Variants in CLOCK observed in about 807,000 individuals in gnomAD.
CLOCK encodes circadian locomoter output cycles protein kaput.
In CLOCK, 43 loss-of-function variants were observed where a neutral mutation model predicts 118.4. The ratio of observed to expected loss-of-function variants is 0.36; its 90% confidence interval spans 0.28 to 0.47. The LOEUF is 0.47. CLOCK is among the 20% of genes least tolerant of loss of function. The probability of loss-of-function intolerance (pLI) is 1.00; values close to 1 mark genes in which losing one functional copy is unlikely to be tolerated. For missense variants in CLOCK, 846 were observed against 999.9 expected (o/e 0.85, Z 2.08); for synonymous variants, 326 against 339.2 (o/e 0.96, Z 0.43).
chr4:55,508,469 C>T (rs1728945012), intron 2 of CLOCK, among the ~76,000 whole-genome samples: 1 of 152,108 alleles, frequency 6.6e-6, no homozygotes, highest in Non-Finnish European at 1.5e-5. Flanking sequence ...GGCATGGACT[C>T]CTATCTCTCT....
chr4:55,457,648 C>T (rs947557198), intron 11 of CLOCK, among the ~76,000 whole-genome samples: 2 of 152,158 alleles, frequency 1.3e-5, no homozygotes, highest in Admixed American at 6.5e-5. Flanking sequence ...GCCTTACCTC[C>T]CACTATCTCT....
At chr4:55,505,851 CAACT>C (rs1275154185) in intron 2 of CLOCK, among the ~76,000 whole-genome samples, 6 of 150,722 alleles carry the variant, frequency 4.0e-5, no homozygotes, top group Non-Finnish European at 7.4e-5. Flanking sequence ...TCCTGTTGAC[CAACT>C]GTCAACATTT....
intron 1 of CLOCK, among the ~76,000 whole-genome samples, chr4:55,513,500 A>G (rs953475089): frequency 8.5e-5 from 13 of 152,120 alleles, no homozygotes; most frequent in African/African-American, 9.7e-5. Context: ...CCACTGATCT[A>G]TTAAAATATT....
At chr4:55,442,200 T>C in intron 21 of CLOCK, 1 of 527,060 alleles carries the variant, frequency 1.9e-6, no homozygotes, top group East Asian at 3.4e-5. Flanking sequence ...TTGTATTCTA[T>C]AATATTTTGT....
Position 55,453,119 on chromosome 4 carries a change from C to G in CLOCK, c.1141G>C (p.Val381Leu), listed in dbSNP as rs1047615569. Residue 381 changes from valine (V) to leucine (L), a missense_variant, in exon 15 of 23, where the codon GTT becomes CTT. Transcript: ENST00000513440. ...AGTTCTCGTCGTCTTTCAGCCCTAA[C>G]TTCTGCATAACTACAAATGGAAAAA... ...CTHTVVSYAE[V>L]RAERRRELGI... 5.0e-6 allele frequency: 8 copies of G among 1,612,820 alleles called. No individual in the cohort carries two copies. The highest frequency in any genetic ancestry group is 5.9e-6 in the Non-Finnish European group (7 of 1,179,052).
At chr4:55,514,227 A>C (rs918524678) in intron 1 of CLOCK, among the ~76,000 whole-genome samples, 2 of 152,146 alleles carry the variant, frequency 1.3e-5, no homozygotes, top group African/African-American at 4.8e-5. Flanking sequence ...TCACCATTAC[A>C]TAAAACGTTA....
At chr4:55,497,296 A>G (rs934756142) in intron 2 of CLOCK, among the ~76,000 whole-genome samples, 1 of 152,116 alleles carries the variant, frequency 6.6e-6, no homozygotes, top group African/African-American at 2.4e-5. Context: ...TCGGGCTGCC[A>G]TTTCTTCTGC....
chr4:55,459,289 C>T (rs773620976), intron 9 of CLOCK, 28 bp from the exon 10 acceptor site: 11 of 1,312,742 alleles, frequency 8.4e-6, no homozygotes, highest in Admixed American at 6.8e-5. Context: ...TTAAAAATCA[C>T]ATATTTCTGA....
At chr4:55,444,872 A>C (rs1053927763) in intron 18 of CLOCK, 87 bp from the exon 19 acceptor site, 1 of 1,342,936 alleles carries the variant, frequency 7.4e-7, no homozygotes, top group African/African-American at 1.4e-5. Flanking sequence ...AAGCAGTATA[A>C]CATGAGTGAA....
At chr4:55,520,594 C>G (rs1009239545) in intron 1 of CLOCK, among the ~76,000 whole-genome samples, 4 of 152,146 alleles carry the variant, frequency 2.6e-5, no homozygotes, top group Non-Finnish European at 4.4e-5. Context: ...ATAAATAAAT[C>G]CACAGTAGAC....
intron 2 of CLOCK, among the ~76,000 whole-genome samples, chr4:55,496,240 C>T (rs1728074374): frequency 6.6e-6 from 1 of 150,660 alleles, no homozygotes; most frequent in Non-Finnish European, 1.5e-5. Flanking sequence ...GACAATATAG[C>T]TCTAACTTAT....
At chr4:55,522,170 T>C (rs557217249) in intron 1 of CLOCK, among the ~76,000 whole-genome samples, 1 of 152,284 alleles carries the variant, frequency 6.6e-6, no homozygotes, top group East Asian at 1.9e-4. Flanking sequence ...TATCAATTTT[T>C]AGAAGAAAAC....
intron 9 of CLOCK, among the ~76,000 whole-genome samples, chr4:55,461,449 A>G (rs1402595295): frequency 6.6e-6 from 1 of 152,132 alleles, no homozygotes; most frequent in Non-Finnish European, 1.5e-5. Context: ...ATGAGGCAAA[A>G]CAGCTGTTAC....
chr4:55,527,392 T>TG (rs1730276242), intron 1 of CLOCK, among the ~76,000 whole-genome samples: 1 of 152,152 alleles, frequency 6.6e-6, no homozygotes, highest in South Asian at 2.1e-4. Context: ...AAAGCATGTT[T>TG]GGGGCACATT....
intron 1 of CLOCK, among the ~76,000 whole-genome samples, chr4:55,515,271 CTTAG>C (rs1729432179): frequency 6.6e-6 from 1 of 151,990 alleles, no homozygotes; most frequent in Admixed American, 6.6e-5. Context: ...ATCCTTTTTC[CTTAG>C]TTAGCCTAGC....
intron 1 of CLOCK, among the ~76,000 whole-genome samples, chr4:55,544,676 G>C (rs1731492873): frequency 6.6e-6 from 1 of 152,104 alleles, no homozygotes; most frequent in South Asian, 2.1e-4. Flanking sequence ...CAAATTATTT[G>C]GGGGAGGAGG....
chr4:55,499,841 G>A (rs866348924), intron 2 of CLOCK, among the ~76,000 whole-genome samples: 5 of 152,278 alleles, frequency 3.3e-5, no homozygotes, highest in Middle Eastern at 3.4e-3. Flanking sequence ...GATGCAGTAG[G>A]TAGGACCTTT....
chr4:55,470,659 T>C, intron 8 of CLOCK, 58 bp downstream of exon 8: 4 of 1,227,848 alleles, frequency 3.3e-6, no homozygotes, highest in African/African-American at 3.0e-5. Flanking sequence ...CCCAGTGCTT[T>C]AGAATATTTA....
chr4:55,461,382 T>C (rs901969660), intron 9 of CLOCK, among the ~76,000 whole-genome samples: 4 of 152,188 alleles, frequency 2.6e-5, no homozygotes, highest in African/African-American at 9.7e-5. Context: ...TGCTGCTCTT[T>C]CTAGGCCAGA....
Sources: gnomAD v4.1 joint callset for allele counts (sites outside exome capture counted in the v4.1 genomes callset) on GRCh38, gnomAD v4.1.1 for gene constraint, MANE v1.5 for transcripts, NCBI Gene and HGNC (gene_info 2026-07-23, HGNC 2026-07-21) for gene names.